ADCY3: variants seen among roughly 807,000 people sequenced by gnomAD.
The protein encoded by ADCY3 is adenylate cyclase type 3.
ADCY3 carries 70 observed loss-of-function variants against 119.4 expected under a neutral mutation model. The observed-to-expected ratio is 0.59, with a 90% CI of 0.48 to 0.72. The LOEUF (loss-of-function observed/expected upper bound fraction) is 0.72. Among genes scored for constraint, ADCY3 ranks in the 30% least tolerant of loss-of-function variants. ADCY3 has a pLI of 0.00. For synonymous variants in ADCY3, 672 were observed against 621.4 expected (o/e 1.08, Z -1.21); for missense variants, 1,238 against 1,541.6 (o/e 0.80, Z 3.30).
intron 2 of ADCY3, among the ~76,000 whole-genome samples, chr2:24,900,933 T>C (rs924420012): frequency 3.3e-5 from 5 of 152,034 alleles, no homozygotes; most frequent in African/African-American, 1.2e-4. Context: ...GGCGTGGTAG[T>C]GGGCACCTGT....
intron 2 of ADCY3, among the ~76,000 whole-genome samples, chr2:24,917,006 T>C (rs1333801486): frequency 6.6e-6 from 1 of 152,210 alleles, no homozygotes; most frequent in Non-Finnish European, 1.5e-5. Context: ...CTCTGTAAAA[T>C]GGGTAGTCTG....
chr2:24,844,120 G>A (rs553138543), intron 3 of ADCY3, among the ~76,000 whole-genome samples: 28 of 152,332 alleles, frequency 1.8e-4, no homozygotes, highest in Admixed American at 1.3e-3. Context: ...GCAGGCACAG[G>A]GGGAGGCCAG....
At chr2:24,843,037 T>C (rs943247667) in intron 3 of ADCY3, among the ~76,000 whole-genome samples, 1 of 152,122 alleles carries the variant, frequency 6.6e-6, no homozygotes, top group Non-Finnish European at 1.5e-5. Context: ...TGAAGGAGCC[T>C]TGGTCGAGCC....
intron 3 of ADCY3, among the ~76,000 whole-genome samples, chr2:24,869,690 C>T (rs1456829778): frequency 6.6e-6 from 1 of 152,168 alleles, no homozygotes; most frequent in Non-Finnish European, 1.5e-5. Context: ...ACAGGCATAG[C>T]CACCTGCCTG....
intron 3 of ADCY3, among the ~76,000 whole-genome samples, chr2:24,844,377 G>A (rs1671422146): frequency 6.6e-6 from 1 of 152,100 alleles, no homozygotes; most frequent in Admixed American, 6.5e-5. Flanking sequence ...CTAGGGCCTG[G>A]CTGGATGGCT....
In ADCY3 at chr2:24,823,311, G is replaced by A. The variant is rs776009447; in HGVS notation, c.2781C>T (p.Ala927=). The part of the protein sequence containing the change: ...QTYDEIGVMF[A]SLPNFADFYT... The stretch of plus-strand genomic sequence containing the variant: ...AGAAGTCAGCAAAGTTGGGCAGGGA[G>A]GCAAACATGACTCCAATCTCATCAT... Residue 927 remains alanine (A), a synonymous_variant, in exon 18 of 22, where the codon GCC becomes GCT. Transcript: ENST00000679454. 2 of 1,613,714 alleles carry A rather than the reference G, an allele frequency of 1.2e-6. No individual in the cohort carries two copies. Among genetic ancestry groups the A allele is most frequent in the African/African-American group, 2.7e-5 (2 of 74,982 alleles).
At chr2:24,882,755 G>A (rs1055317509) in intron 2 of ADCY3, among the ~76,000 whole-genome samples, 12 of 152,298 alleles carry the variant, frequency 7.9e-5, no homozygotes, top group Non-Finnish European at 7.3e-5. Flanking sequence ...GACTCTACTG[G>A]CAGTAAAGAA....
At position 24,852,378 on chromosome 2, in the gene ADCY3, T is replaced by C. The variant is rs543822313; in HGVS notation, c.826-9994A>G. On this transcript the variant is annotated intron_variant, in intron 3 of 21. Transcript: ENST00000679454. The stretch of plus-strand genomic sequence containing the variant: ...GCAGTGGTGGTGGCGGCTCCTAGAG[T>C]CCTCCCTGGGACCCACATTAAGCAG... Among the ~76,000 whole-genome samples the C allele has an allele frequency of 6.6e-5, 10 of 151,600 alleles. 1 individual carries two copies. The East Asian group carries it at 2.0e-3, about 30-fold the overall frequency.
intron 2 of ADCY3, among the ~76,000 whole-genome samples, chr2:24,909,321 A>G (rs1056810598): frequency 2.0e-5 from 3 of 152,124 alleles, no homozygotes; most frequent in Non-Finnish European, 4.4e-5. Flanking sequence ...AAGCTTGTGC[A>G]CCTGCAAATC....
At chr2:24,871,722 T>C (rs186684356) in intron 3 of ADCY3, among the ~76,000 whole-genome samples, 6 of 152,314 alleles carry the variant, frequency 3.9e-5, no homozygotes, top group African/African-American at 4.8e-5. Context: ...TGTCAACCTA[T>C]TGAGTTTGTT....
Position 24,834,287 on chromosome 2 carries a change from C to T in ADCY3, c.1967+198G>A, listed in dbSNP as rs1005417374. Among the ~76,000 whole-genome samples, 5 of 152,316 alleles carry T rather than the reference C, an allele frequency of 3.3e-5. No homozygotes were observed. In the Middle Eastern group the frequency reaches 0.01, roughly 311 times the overall value. ...CTGACGCTAGGACTGCTCCAAAACG[C>T]GGGGCAGGGAAAAGGAAGGATGCCC... is the stretch of plus-strand genomic sequence containing the variant. On this transcript the variant is annotated intron_variant, in intron 11 of 21. Coordinates refer to ENST00000679454, the MANE Select transcript of ADCY3 (RefSeq NM_004036.5). The surrounding 1 kb of genome is among the most constrained non-coding windows in gnomAD (Gnocchi z 4.2).
chr2:24,828,857 C>CGT (rs1669006816), intron 13 of ADCY3, among the ~76,000 whole-genome samples: 1 of 152,172 alleles, frequency 6.6e-6, no homozygotes, highest in Non-Finnish European at 1.5e-5. Flanking sequence ...TCCAGGACCC[C>CGT]ATGCAGTGGT....
chr2:24,834,686 T>A lies in ADCY3; in HGVS notation c.1806-40A>T. 2 of 1,608,174 alleles carry A rather than the reference T, an allele frequency of 1.2e-6. No individual in the cohort carries two copies. The highest frequency in any genetic ancestry group is 1.7e-6 in the Non-Finnish European group (2 of 1,175,202). The stretch of plus-strand genomic sequence containing the variant: ...AGCCCCATGAATCCCAAATGCCACA[T>A]CTGCCTTGGCCTAGCAGGGGGGCCG... On this transcript the variant is annotated intron_variant, in intron 10 of 21. Coordinates refer to ENST00000679454, the MANE Select transcript of ADCY3 (RefSeq NM_004036.5). This position sits in a 1 kb window ranked among gnomAD's most constrained non-coding sequence, Gnocchi z 4.2.
chr2:24,842,722 G>A lies in ADCY3; in HGVS notation c.826-338C>T, dbSNP rs1375839255. ...GGGCTGCTGCACCGTGAGCCCTCCCGGCAGGAGCCCTGCGGGGTCACCTCA... is the reference window on the plus strand; with the variant it reads ...GGGCTGCTGCACCGTGAGCCCTCCCAGCAGGAGCCCTGCGGGGTCACCTCA... On this transcript the variant is annotated intron_variant, in intron 3 of 21. Coordinates refer to ENST00000679454, the MANE Select transcript of ADCY3 (RefSeq NM_004036.5). The surrounding 1 kb of genome is among the most constrained non-coding windows in gnomAD (Gnocchi z 4.9). 3 of 304,628 alleles carry A rather than the reference G, an allele frequency of 9.8e-6. No homozygotes were observed. The highest frequency in any genetic ancestry group is 2.1e-5 in the African/African-American group (1 of 46,934). The allele number at this position is 304,628 out of a possible 1,614,324, so 18.9% of individuals were successfully genotyped here.
intron 3 of ADCY3, among the ~76,000 whole-genome samples, chr2:24,867,840 G>A (rs1674490258): frequency 6.6e-6 from 1 of 152,092 alleles, no homozygotes; most frequent in Non-Finnish European, 1.5e-5. Flanking sequence ...AGGACTTGTG[G>A]GGTTTAAAAT....
chr2:24,850,501 G>T (rs1420552935), intron 3 of ADCY3, among the ~76,000 whole-genome samples: 1 of 152,134 alleles, frequency 6.6e-6, no homozygotes, highest in African/African-American at 2.4e-5. Context: ...GCCTAGGATT[G>T]CTCAGGGCCC....
intron 2 of ADCY3, among the ~76,000 whole-genome samples, chr2:24,887,271 C>T (rs1056910753): frequency 6.6e-6 from 1 of 152,162 alleles, no homozygotes; most frequent in Non-Finnish European, 1.5e-5. Context: ...GGGGAAACCA[C>T]CCCATGATTC....
At chr2:24,826,196 A>G (rs1668594410) in intron 15 of ADCY3, 70 bp from the exon 16 acceptor site, 1 of 1,374,280 alleles carries the variant, frequency 7.3e-7, no homozygotes, top group Non-Finnish European at 1.0e-6. Context: ...ATTCCCTCCA[A>G]CTAGATGGTG....
intron 3 of ADCY3, among the ~76,000 whole-genome samples, chr2:24,865,093 TATA>T (rs1341146197): frequency 6.6e-6 from 1 of 152,216 alleles, no homozygotes; most frequent in East Asian, 1.9e-4. Flanking sequence ...GTTACTTTTG[TATA>T]ATGACTGAAC....
Sources: allele counts gnomAD v4.1 joint callset (sites outside exome capture counted in the v4.1 genomes callset), GRCh38; gene constraint gnomAD v4.1.1; non-coding constraint Gnocchi (gnomAD v3.1); transcripts MANE v1.5; gene names NCBI Gene and HGNC (gene_info 2026-07-23, HGNC 2026-07-21).